Variants in MROH1 observed in about 807,000 individuals in gnomAD.
MROH1 encodes the protein maestro heat-like repeat-containing protein family member 1.
MROH1 carries 117 observed loss-of-function variants against 116.5 expected under a neutral mutation model. That is an observed-to-expected ratio of 1.00 (90% CI 0.86 to 1.17). MROH1 has a LOEUF of 1.17. Ranked by LOEUF, MROH1 falls within the 50% of genes most tolerant of loss-of-function variation. The pLI is 0.00. For missense variants in MROH1, 1,873 were observed against 1,338.5 expected (o/e 1.40, Z -6.23); for synonymous variants, 921 against 583.9 (o/e 1.58, Z -8.32).
At position 144,260,679 on chromosome 8, in the gene MROH1, G is replaced by A. The variant is rs1844870360; in HGVS notation, c.4383G>A (p.Glu1461=). The change falls in exon 40 of 44, where the codon GAG becomes GAA. Residue 1461 remains glutamate, a splice_region_variant and synonymous_variant. Coordinates refer to ENST00000326134, the MANE Select transcript of MROH1 (RefSeq NM_032450.3). The stretch of plus-strand genomic sequence containing the variant: ...CGTATGCTGCATGTCCTTCCCAGGA[G>A]AAGATGGAGTTCCGGACGGCATCTA... ...AIRIRPFFDS[E]KMEFRTASIR... is the part of the protein sequence containing the mutation. The A allele has an allele frequency of 2.6e-6, 2 of 779,100 alleles. No homozygotes were observed. Among genetic ancestry groups the A allele is most frequent in the East Asian group, 2.4e-5 (1 of 41,250 alleles). 48.3% of individuals were successfully genotyped at this position (779,100 alleles called of 1,614,324 possible).
chr8:144,261,758 C>G lies in MROH1; in HGVS notation c.*18C>G, dbSNP rs1013816490. Reference sequence around the variant, plus strand: ...TCGCCTAAGGCTCCGGCCAGCACCCCCAGCGAGGAGTATGCACCCAGACCT... The same window carrying G: ...TCGCCTAAGGCTCCGGCCAGCACCCGCAGCGAGGAGTATGCACCCAGACCT... On this transcript the variant is annotated 3_prime_UTR_variant, in exon 44 of 44. Transcript: ENST00000326134. The G allele has an allele frequency of 1.0e-4, 72 of 704,830 alleles. No individual in the cohort carries two copies. Among genetic ancestry groups the G allele is most frequent in the Middle Eastern group, 7.0e-4 (2 of 2,858 alleles). 43.7% of individuals were successfully genotyped at this position (704,830 alleles called of 1,614,324 possible).
At chr8:144,202,968 C>G (rs1330176493) in intron 12 of MROH1, among the ~76,000 whole-genome samples, 1 of 46,068 alleles carries the variant, frequency 2.2e-5, no homozygotes, top group Non-Finnish European at 4.0e-5. Flanking sequence ...GGGGAGCGCC[C>G]GCTGTCTGTG....
At chr8:144,177,737 A>C (rs986726550) in intron 4 of MROH1, among the ~76,000 whole-genome samples, 3 of 151,626 alleles carry the variant, frequency 2.0e-5, no homozygotes, top group African/African-American at 7.3e-5. Flanking sequence ...TGTTCTCATG[A>C]TAGAGTTCTC....
At position 144,242,146 on chromosome 8, in the gene MROH1, T is replaced by G. The variant is rs1389845532; in HGVS notation, c.2179-223T>G. ...TGGCCCTCTGTTACTCGGTACCCAG[T>G]GGGCCCATGCCTGGCTGGCTGCCTG... On this transcript the variant is annotated intron_variant, in intron 22 of 43. Coordinates refer to ENST00000326134, the MANE Select transcript of MROH1 (RefSeq NM_032450.3). The G allele has an allele frequency of 1.1e-5, 7 of 629,848 alleles. No homozygotes were observed. In the East Asian group the frequency reaches 1.7e-4, roughly 15 times the overall value. The allele number at this position is 629,848 out of a possible 1,614,324, so 39.0% of individuals were successfully genotyped here.
At position 144,168,403 on chromosome 8, in the gene MROH1, TC is replaced by T; in HGVS notation, c.133del (p.Arg45ValfsTer22). 6.2e-7 allele frequency: 1 copy of T among 1,611,368 alleles called. No individual in the cohort carries two copies. The highest frequency in any genetic ancestry group is 8.5e-7 in the Non-Finnish European group (1 of 1,179,386). On this transcript the variant is annotated frameshift_variant, in exon 4 of 44. Coordinates refer to ENST00000326134, the MANE Select transcript of MROH1 (RefSeq NM_032450.3). LOFTEE classifies it high-confidence loss of function. ...SLGEARPVET[L>X]RACEEYLRQH... is the part of the protein sequence containing the mutation. ...GGGGAGGCGCGGCCGGTGGAGACGC[TC>T]CGTGCCTGCGAGGAGTATCTGCGGC...
chr8:144,218,991 C>T (rs1836123965), intron 12 of MROH1, among the ~76,000 whole-genome samples: 1 of 137,650 alleles, frequency 7.3e-6, no homozygotes, highest in Admixed American at 7.3e-5. Context: ...TGCACTACTA[C>T]CCTTAGCTAA....
intron 12 of MROH1, among the ~76,000 whole-genome samples, chr8:144,203,532 C>A (rs900310103): frequency 3.1e-5 from 4 of 128,678 alleles, no homozygotes; most frequent in Admixed American, 3.1e-4. Context: ...TGGAGTGGCC[C>A]GGAGAGGAGC....
At chr8:144,165,545 T>C (rs1430781054) in intron 3 of MROH1, among the ~76,000 whole-genome samples, 1 of 152,146 alleles carries the variant, frequency 6.6e-6, no homozygotes, top group African/African-American at 2.4e-5. Flanking sequence ...ACTGGGACTA[T>C]AGCGTGAGCC....
At chr8:144,200,201 C>T (rs780224530) in intron 11 of MROH1, among the ~76,000 whole-genome samples, 13 of 152,126 alleles carry the variant, frequency 8.5e-5, no homozygotes, top group Admixed American at 6.5e-5. Context: ...ATCTAAGTCC[C>T]GGCATGCTCG....
intron 38 of MROH1, 45 bp downstream of exon 38, chr8:144,260,102 G>A: frequency 1.3e-6 from 1 of 741,542 alleles, no homozygotes; most frequent in East Asian, 2.5e-5. Flanking sequence ...AGCATGGGTG[G>A]GGGGCTGTGC....
intron 4 of MROH1, among the ~76,000 whole-genome samples, chr8:144,178,662 T>C (rs373774549): frequency 6.8e-4 from 103 of 152,290 alleles, no homozygotes; most frequent in African/African-American, 2.3e-3. Flanking sequence ...TGTTGCCTGG[T>C]GCAGGCTGCT....
Position 144,261,660 on chromosome 8 carries a change from C to A in MROH1, c.4846C>A (p.Gln1616Lys). 2.8e-6 allele frequency: 2 copies of A among 721,344 alleles called. No homozygotes were observed. The highest frequency in any genetic ancestry group is 1.7e-5 in the African/African-American group (1 of 57,648). The allele number at this position is 721,344 out of a possible 1,614,324, so 44.7% of individuals were successfully genotyped here. Residue 1616 changes from glutamine to lysine, a missense_variant, in exon 44 of 44, where the codon CAG becomes AAG. By Grantham distance (53) the Gln-to-Lys change is moderately conservative. Coordinates refer to ENST00000326134, the MANE Select transcript of MROH1 (RefSeq NM_032450.3). ...CCCCCCTCCTCTACCCCCAGCGCTC[C>A]AGATCCTGCTGAAGGACCCGGCCCC... ...VDLDQLIAAL[Q>K]ILLKDPAPEV...
At chr8:144,218,411 G>A (rs757440278) in intron 12 of MROH1, among the ~76,000 whole-genome samples, 1 of 151,988 alleles carries the variant, frequency 6.6e-6, no homozygotes, top group East Asian at 1.9e-4. Flanking sequence ...CAGTCAGGCC[G>A]TCATCCTGTG....
chr8:144,234,497 C>CTTTTTTTTTTTTTTTTTTTTTTT (rs1554823930), intron 14 of MROH1, among the ~76,000 whole-genome samples: 2 of 20,630 alleles, frequency 9.7e-5, no homozygotes, highest in Admixed American at 6.0e-4. Context: ...CTTTCTTTTT[C>CTTTTTTTTTTTTTTTTTTTTTTT]GTTTTTTTTT....
intron 7 of MROH1, among the ~76,000 whole-genome samples, chr8:144,190,448 A>G (rs1828274857): frequency 6.6e-6 from 1 of 152,084 alleles, no homozygotes; most frequent in South Asian, 2.1e-4. Context: ...TGAACCTGGG[A>G]GGCAAAGGTT....
At position 144,180,092 on chromosome 8, in the gene MROH1, C is replaced by T. The variant is rs528188696; in HGVS notation, c.301-86C>T. 5.9e-6 allele frequency: 9 copies of T among 1,522,028 alleles called. No individual in the cohort carries two copies. The highest frequency in any genetic ancestry group is 4.5e-5 in the East Asian group (2 of 44,170). The allele number at this position is 1,522,028 out of a possible 1,614,324, so 94.3% of individuals were successfully genotyped here. ...CACTTTCTGGGGACGCTGAAAACAG[C>T]GTGCGCTTGTCCAAGGCTGGCAGCG... On this transcript the variant is annotated intron_variant, in intron 5 of 43. Transcript: ENST00000326134. The surrounding 1 kb of genome is among the most constrained non-coding windows in gnomAD (Gnocchi z 7.4).
chr8:144,201,732 C>T (rs767126162), intron 12 of MROH1, among the ~76,000 whole-genome samples: 4 of 152,050 alleles, frequency 2.6e-5, no homozygotes, highest in African/African-American at 7.2e-5. Flanking sequence ...GCAGCAGGGC[C>T]GGCCGGGCAG....
At chr8:144,154,059 C>T (rs1297507501) in intron 1 of MROH1, among the ~76,000 whole-genome samples, 1 of 145,364 alleles carries the variant, frequency 6.9e-6, no homozygotes, top group Admixed American at 6.7e-5. Flanking sequence ...AGCGTCCACC[C>T]TATTTTTATT....
chr8:144,195,195 TAAAAAAAAAAAAA>T (rs561902621), intron 10 of MROH1, among the ~76,000 whole-genome samples: 1 of 11,682 alleles, frequency 8.6e-5, no homozygotes, highest in South Asian at 0.018. Flanking sequence ...ACTGTGTCTT[TAAAAAAAAAAAAA>T]AAAAAAAAAA....
Sources: allele counts gnomAD v4.1 joint callset (sites outside exome capture counted in the v4.1 genomes callset), GRCh38; gene constraint gnomAD v4.1.1; non-coding constraint Gnocchi (gnomAD v3.1); transcripts MANE v1.5; gene names NCBI Gene and HGNC (gene_info 2026-07-23, HGNC 2026-07-21).